ELF1: variants seen among roughly 807,000 people sequenced by gnomAD.
The protein encoded by ELF1 is E74 like ETS transcription factor 1.
ELF1 carries 24 observed loss-of-function variants against 59.9 expected under a neutral mutation model. The ratio of observed to expected loss-of-function variants is 0.40; its 90% CI spans 0.29 to 0.56. The LOEUF is 0.56. Among genes scored for constraint, ELF1 ranks in the 20% least tolerant of loss-of-function variants. The pLI is 0.44. For missense variants in ELF1, 627 were observed against 742.2 expected, an observed-to-expected ratio of 0.84 and a Z score of 1.80; for synonymous variants, 248 against 266.2, an observed-to-expected ratio of 0.93 and a Z score of 0.67.
intron 1 of ELF1, among the ~76,000 whole-genome samples, chr13:41,002,458 C>T (rs1874512470): frequency 6.6e-6 from 1 of 151,634 alleles, no homozygotes; most frequent in South Asian, 2.1e-4. Flanking sequence ...GCCTGAGCAA[C>T]ATGGCGAGAA....
chr13:40,957,523 GA>G (rs964582725), intron 3 of ELF1, among the ~76,000 whole-genome samples: 7 of 148,476 alleles, frequency 4.7e-5, no homozygotes, highest in Non-Finnish European at 1.0e-4. Context: ...AAAAAAAAAA[GA>G]AAAAAAAGAA....
At chr13:41,038,779 G>A (rs1375307407) in intron 1 of ELF1, among the ~76,000 whole-genome samples, 1 of 152,072 alleles carries the variant, frequency 6.6e-6, no homozygotes, top group African/African-American at 2.4e-5. Flanking sequence ...CATTTTGGGA[G>A]GCGGAGGCAG....
intron 1 of ELF1, among the ~76,000 whole-genome samples, chr13:40,982,680 T>C (rs1566179884): frequency 6.6e-6 from 1 of 152,080 alleles, no homozygotes. Flanking sequence ...ACCCAATGAG[T>C]AATTTCACAA....
chr13:40,982,921 T>C (rs2324746), intron 1 of ELF1: 977,064 of 980,690 alleles, frequency 1, 486,772 homozygotes, highest in East Asian at 1. Flanking sequence ...TTATCTCTAG[T>C]ATAGGCTTGC....
At chr13:40,988,199 A>G (rs1168467957) in intron 1 of ELF1, among the ~76,000 whole-genome samples, 4 of 152,218 alleles carry the variant, frequency 2.6e-5, no homozygotes, top group Non-Finnish European at 5.9e-5. Flanking sequence ...CCCATTCTCA[A>G]TCTAAAAGTG....
chr13:40,996,291 T>C (rs576202991), intron 1 of ELF1, among the ~76,000 whole-genome samples: 3 of 152,204 alleles, frequency 2.0e-5, no homozygotes, highest in East Asian at 3.8e-4. Context: ...TCTTACACCA[T>C]AGAGCTGTGC....
intron 1 of ELF1, among the ~76,000 whole-genome samples, chr13:41,015,486 T>C (rs956598170): frequency 6.6e-6 from 1 of 152,162 alleles, no homozygotes; most frequent in African/African-American, 2.4e-5. Flanking sequence ...CTTCAAATAT[T>C]TAAAGGCAAA....
intron 1 of ELF1, among the ~76,000 whole-genome samples, chr13:41,043,778 A>G (rs1011776527): frequency 3.7e-4 from 57 of 152,258 alleles, no homozygotes; most frequent in African/African-American, 1.2e-3. Flanking sequence ...TTGACTTGGC[A>G]ATGTGGGCTC....
At chr13:41,059,914 T>G (rs1453029291) in intron 1 of ELF1, among the ~76,000 whole-genome samples, 2 of 152,336 alleles carry the variant, frequency 1.3e-5, no homozygotes, top group Middle Eastern at 3.4e-3. Flanking sequence ...TGTTAGACCC[T>G]TTGGAAAGTC....
At chr13:41,057,953 A>G (rs1225738362) in intron 1 of ELF1, among the ~76,000 whole-genome samples, 1 of 152,346 alleles carries the variant, frequency 6.6e-6, no homozygotes, top group South Asian at 2.1e-4. Flanking sequence ...CTTTAAGCCT[A>G]GATTTCATTC....
intron 1 of ELF1, among the ~76,000 whole-genome samples, chr13:40,988,783 C>A (rs551431512): frequency 1.3e-5 from 2 of 152,108 alleles, no homozygotes; most frequent in Non-Finnish European, 2.9e-5. Flanking sequence ...TAGATTTGTA[C>A]TGATATTTTT....
chr13:41,000,181 A>G (rs1051613534), intron 1 of ELF1, among the ~76,000 whole-genome samples: 6 of 149,584 alleles, frequency 4.0e-5, no homozygotes, highest in African/African-American at 1.5e-4. Context: ...GGTGACATTC[A>G]GAAGATGCTT....
intron 1 of ELF1, among the ~76,000 whole-genome samples, chr13:41,018,304 A>G (rs1875538901): frequency 6.6e-6 from 1 of 152,236 alleles, no homozygotes; most frequent in Non-Finnish European, 1.5e-5. Flanking sequence ...TCTCATAACT[A>G]CAATGACAAG....
At chr13:41,012,732 T>C (rs1051863952) in intron 1 of ELF1, among the ~76,000 whole-genome samples, 2 of 151,810 alleles carry the variant, frequency 1.3e-5, no homozygotes, top group Non-Finnish European at 2.9e-5. Context: ...ATTTTTTTTT[T>C]CTACTTGTAG....
chr13:41,060,932 CGCCGCCGCCGCCGCT>C lies in ELF1; in HGVS notation c.-338_-324del, dbSNP rs1320748359. On this transcript the variant is annotated 5_prime_UTR_variant, in exon 1 of 2. Coordinates refer to the ELF1 transcript ENST00000405737. The stretch of plus-strand genomic sequence containing the variant: ...CTGCTGCTGCCGCCGCCGCCGCCGC[CGCCGCCGCCGCCGCT>C]GCTGCTGCCCACACGCTCCCGAGCT... The C allele has an allele frequency of 7.6e-4, 281 of 370,750 alleles. 3 individuals carry two copies. Among genetic ancestry groups the C allele is most frequent in the Middle Eastern group, 3.0e-3 (4 of 1,350 alleles). 23.0% of individuals were successfully genotyped at this position (370,750 alleles called of 1,614,324 possible).
At chr13:41,055,381 T>G (rs1049034590) in intron 1 of ELF1, among the ~76,000 whole-genome samples, 4 of 151,430 alleles carry the variant, frequency 2.6e-5, no homozygotes, top group African/African-American at 9.7e-5. Flanking sequence ...TCTCAATGCC[T>G]TGTCCCCATC....
At chr13:41,051,897 G>A (rs750014925) in intron 1 of ELF1, among the ~76,000 whole-genome samples, 2 of 148,214 alleles carry the variant, frequency 1.3e-5, no homozygotes, top group Admixed American at 1.3e-4. Flanking sequence ...AGTTCAAGTC[G>A]TCTATATTAG....
intron 2 of ELF1, among the ~76,000 whole-genome samples, chr13:40,966,180 A>G (rs1195509682): frequency 2.6e-5 from 4 of 152,260 alleles, no homozygotes; most frequent in Non-Finnish European, 5.9e-5. Context: ...TGGGAACAAG[A>G]GAGGGAAGAT....
At chr13:40,961,979 T>C (rs892950000) in intron 2 of ELF1, among the ~76,000 whole-genome samples, 1 of 152,222 alleles carries the variant, frequency 6.6e-6, no homozygotes, top group Non-Finnish European at 1.5e-5. Context: ...TGCTAATGTG[T>C]ACATAACAAG....
Sources: gnomAD v4.1 joint callset for allele counts (sites outside exome capture counted in the v4.1 genomes callset) on GRCh38, gnomAD v4.1.1 for gene constraint, MANE v1.5 for transcripts, NCBI Gene and HGNC (gene_info 2026-07-23, HGNC 2026-07-21) for gene names.